Variants in FBXL7 observed in about 807,000 individuals in gnomAD.
FBXL7 encodes F-box/LRR-repeat protein 7.
A neutral mutation model predicts 38.3 loss-of-function variants in FBXL7; 12 were observed. The observed-to-expected ratio is 0.31, with a 90% CI of 0.20 to 0.51. The LOEUF is 0.51. Ranked by LOEUF, FBXL7 falls within the 20% of genes least tolerant of loss-of-function variation. FBXL7 has a pLI of 0.98. For synonymous variants in FBXL7, 297 were observed against 300.9 expected, an observed-to-expected ratio of 0.99 and a Z score of 0.13; for missense variants, 567 against 676.4, an observed-to-expected ratio of 0.84 and a Z score of 1.79.
chr5:15,904,615 A>G (rs1741310606), intron 2 of FBXL7, among the ~76,000 whole-genome samples: 1 of 152,186 alleles, frequency 6.6e-6, no homozygotes, highest in Admixed American at 6.5e-5. Flanking sequence ...AGTCATATTA[A>G]TAACTATGTA....
chr5:15,504,111 G>C (rs989969952), intron 1 of FBXL7, among the ~76,000 whole-genome samples: 2 of 152,236 alleles, frequency 1.3e-5, no homozygotes, highest in African/African-American at 4.8e-5. Context: ...AAAGTTGAGA[G>C]AACTTACTGT....
chr5:15,538,661 G>GTT (rs1337955957), intron 1 of FBXL7, among the ~76,000 whole-genome samples: 1 of 152,168 alleles, frequency 6.6e-6, no homozygotes, highest in African/African-American at 2.4e-5. Flanking sequence ...CTGATACTCT[G>GTT]TCTTCCTTGT....
chr5:15,774,804 G>T (rs548628091), intron 2 of FBXL7, among the ~76,000 whole-genome samples: 23 of 152,232 alleles, frequency 1.5e-4, no homozygotes, highest in African/African-American at 5.3e-4. Flanking sequence ...GGTGAAAGTG[G>T]GTGCATCTTT....
At chr5:15,559,356 G>A (rs1046332260) in intron 1 of FBXL7, among the ~76,000 whole-genome samples, 1 of 152,172 alleles carries the variant, frequency 6.6e-6, no homozygotes, top group Non-Finnish European at 1.5e-5. Flanking sequence ...ATAATAATGT[G>A]ATAGAATCTC....
At chr5:15,891,267 C>T (rs1225779477) in intron 2 of FBXL7, among the ~76,000 whole-genome samples, 5 of 152,162 alleles carry the variant, frequency 3.3e-5, no homozygotes, top group Non-Finnish European at 7.4e-5. Flanking sequence ...ACTTTTACTA[C>T]AAGCCTAACC....
chr5:15,760,047 AT>A lies in FBXL7; in HGVS notation c.127+143985del, dbSNP rs559909063. Among the ~76,000 whole-genome samples the A allele has an allele frequency of 5.8e-3, 877 of 149,948 alleles. 10 individuals carry two copies. The highest frequency in any genetic ancestry group is 0.018 in the African/African-American group (742 of 40,848). On this transcript the variant is annotated intron_variant, in intron 2 of 3. Coordinates refer to ENST00000504595, the MANE Select transcript of FBXL7 (RefSeq NM_012304.5). ...AGAAGGCACCTTTGAGAATTATTTCATTTTTTTTTTCAATTATTTGCTTTAA... is the reference window on the plus strand; with the variant it reads ...AGAAGGCACCTTTGAGAATTATTTCATTTTTTTTTCAATTATTTGCTTTAA...
intron 1 of FBXL7, among the ~76,000 whole-genome samples, chr5:15,570,533 G>T (rs1352292033): frequency 1.3e-5 from 2 of 151,756 alleles, no homozygotes; most frequent in African/African-American, 4.8e-5. Flanking sequence ...CTTATTGTTA[G>T]AATTGTGCTT....
chr5:15,619,653 C>CA (rs1157977771), intron 2 of FBXL7, among the ~76,000 whole-genome samples: 3 of 152,118 alleles, frequency 2.0e-5, no homozygotes, highest in African/African-American at 7.2e-5. Flanking sequence ...GGAGCACAGG[C>CA]AAGATTCTTA....
At chr5:15,843,226 C>G (rs1326123712) in intron 2 of FBXL7, among the ~76,000 whole-genome samples, 4 of 151,434 alleles carry the variant, frequency 2.6e-5, no homozygotes, top group Non-Finnish European at 5.9e-5. Flanking sequence ...GTGTATTCTT[C>G]TCTTCTTCTA....
intron 1 of FBXL7, among the ~76,000 whole-genome samples, chr5:15,545,644 G>A (rs1737873526): frequency 6.6e-6 from 1 of 152,120 alleles, no homozygotes; most frequent in South Asian, 2.1e-4. Flanking sequence ...TTTATTGAAT[G>A]GATATATCTG....
At chr5:15,895,253 T>G (rs1561179637) in intron 2 of FBXL7, among the ~76,000 whole-genome samples, 1 of 152,004 alleles carries the variant, frequency 6.6e-6, no homozygotes. Flanking sequence ...TTATAGATAA[T>G]CATTTTTCCT....
intron 2 of FBXL7, among the ~76,000 whole-genome samples, chr5:15,834,062 A>G (rs965189714): frequency 6.6e-6 from 1 of 152,228 alleles, no homozygotes; most frequent in African/African-American, 2.4e-5. Context: ...CTGTAAATAA[A>G]ACATTATTGT....
chr5:15,735,845 G>A (rs1367201406), intron 2 of FBXL7, among the ~76,000 whole-genome samples: 1 of 152,206 alleles, frequency 6.6e-6, no homozygotes, highest in African/African-American at 2.4e-5. Context: ...GAGCACTGGG[G>A]TATTTTGAAT....
At chr5:15,824,309 A>AG (rs1190298822) in intron 2 of FBXL7, among the ~76,000 whole-genome samples, 16 of 151,642 alleles carry the variant, frequency 1.1e-4, no homozygotes, top group South Asian at 2.1e-4. Context: ...AAAAAAAAAA[A>AG]AAGAGAAAAA....
intron 1 of FBXL7, among the ~76,000 whole-genome samples, chr5:15,560,746 C>A (rs1262800568): frequency 1.3e-5 from 2 of 152,168 alleles, no homozygotes; most frequent in African/African-American, 4.8e-5. Flanking sequence ...TCTCTTTCAA[C>A]TTCCCTCTGT....
chr5:15,753,180 CT>C (rs1281973871), intron 2 of FBXL7, among the ~76,000 whole-genome samples: 2 of 152,052 alleles, frequency 1.3e-5, no homozygotes, highest in African/African-American at 4.8e-5. Context: ...CACACTCTCT[CT>C]TTTTTTCCCC....
intron 1 of FBXL7, among the ~76,000 whole-genome samples, chr5:15,513,740 G>C (rs1246845172): frequency 6.6e-6 from 1 of 152,168 alleles, no homozygotes; most frequent in Non-Finnish European, 1.5e-5. Context: ...AAGATCAACA[G>C]CTGCTCCGCT....
At chr5:15,722,721 G>A (rs1430282987) in intron 2 of FBXL7, among the ~76,000 whole-genome samples, 4 of 152,250 alleles carry the variant, frequency 2.6e-5, no homozygotes, top group African/African-American at 9.6e-5. Flanking sequence ...TCAGGAGTTC[G>A]AGACCAGCCT....
chr5:15,523,697 A>G (rs1737171584), intron 1 of FBXL7, among the ~76,000 whole-genome samples: 1 of 152,104 alleles, frequency 6.6e-6, no homozygotes, highest in Non-Finnish European at 1.5e-5. Flanking sequence ...TTCTGCACAT[A>G]TGTATCCCAG....
Sources: gnomAD v4.1 joint callset for allele counts (sites outside exome capture counted in the v4.1 genomes callset) on GRCh38, gnomAD v4.1.1 for gene constraint, MANE v1.5 for transcripts, NCBI Gene and HGNC (gene_info 2026-07-23, HGNC 2026-07-21) for gene names.